The following MYOF variants were observed in gnomAD, a reference collection of about 807,000 sequenced individuals.
MYOF encodes the protein fer-1-like 3, myoferlin.
In MYOF, 244 loss-of-function variants were observed where a neutral mutation model predicts 284.2. The observed-to-expected ratio is 0.86, with a 90% CI of 0.77 to 0.95. MYOF has a LOEUF of 0.95. MYOF is among the 40% of genes least tolerant of loss of function. MYOF has a pLI of 0.00. For missense variants in MYOF, 2,496 were observed against 2,560.6 expected (o/e 0.97, Z 0.54); for synonymous variants, 904 against 919.7 (o/e 0.98, Z 0.31).
chr10:93,382,965 G>A (rs979156197), intron 19 of MYOF, among the ~76,000 whole-genome samples: 2 of 151,912 alleles, frequency 1.3e-5, no homozygotes, highest in South Asian at 2.1e-4. Context: ...GCTTGATCTC[G>A]GCTCATTGCA....
intron 28 of MYOF, among the ~76,000 whole-genome samples, chr10:93,361,053 C>A (rs758554486): frequency 6.6e-6 from 1 of 152,346 alleles, no homozygotes; most frequent in Non-Finnish European, 1.5e-5. Flanking sequence ...GGTCCCCAAC[C>A]TTTCTGTCAC....
At chr10:93,454,887 G>T (rs1459699758) in intron 2 of MYOF, among the ~76,000 whole-genome samples, 1 of 151,158 alleles carries the variant, frequency 6.6e-6, no homozygotes, top group Admixed American at 6.6e-5. Context: ...GCTAAAGCAG[G>T]GCTATCGCTT....
At chr10:93,440,100 A>G (rs928586882) in intron 3 of MYOF, among the ~76,000 whole-genome samples, 13 of 152,192 alleles carry the variant, frequency 8.5e-5, no homozygotes, top group Non-Finnish European at 8.8e-5. Flanking sequence ...TGAAGTCTGT[A>G]AACTTCATAA....
At chr10:93,371,897 A>C (rs1465390580) in intron 24 of MYOF, among the ~76,000 whole-genome samples, 1 of 152,224 alleles carries the variant, frequency 6.6e-6, no homozygotes, top group African/African-American at 2.4e-5. Context: ...AACACAGAGA[A>C]GGTGCCTTTG....
chr10:93,317,560 C>G (rs1842666329), intron 49 of MYOF, among the ~76,000 whole-genome samples: 2 of 152,156 alleles, frequency 1.3e-5, no homozygotes, highest in African/African-American at 2.4e-5. Context: ...TCACTCAAAC[C>G]TGGGAGGTGG....
Position 93,351,696 on chromosome 10 carries a change from A to C in MYOF, c.3632T>G (p.Val1211Gly), listed in dbSNP as rs751517942. ...GTCATTGTCAAAAAGTTCCATGATA[A>C]CTTTGGGTGGATTCTGTAGAACTGT... ...PQTVLQNPPKVIMELFDNDQV... is the reference protein window; with the variant it reads ...PQTVLQNPPKGIMELFDNDQV... The change falls in exon 33 of 54, where the codon GTT (valine) becomes GGT (glycine). Residue 1211 changes from valine (V) to glycine (G), a missense_variant. Transcript: ENST00000359263. 1.3e-5 allele frequency: 20 copies of C among 1,588,792 alleles called. No individual in the cohort carries two copies. In the Admixed American group the frequency reaches 3.7e-4, roughly 30 times the overall value.
intron 15 of MYOF, 73 bp from the exon 16 acceptor site, chr10:93,396,297 T>C (rs925045596): frequency 5.5e-6 from 6 of 1,082,670 alleles, no homozygotes; most frequent in Middle Eastern, 2.6e-4. Flanking sequence ...TATGTCTTCA[T>C]TTCAACAATT....
At chr10:93,466,185 C>G (rs1357126459) in intron 1 of MYOF, among the ~76,000 whole-genome samples, 1 of 152,216 alleles carries the variant, frequency 6.6e-6, no homozygotes, top group East Asian at 1.9e-4. Context: ...AGGTGGACCC[C>G]TCTCCAGGAG....
intron 1 of MYOF, among the ~76,000 whole-genome samples, chr10:93,478,889 T>C (rs1295530858): frequency 1.7e-5 from 2 of 120,216 alleles, no homozygotes; most frequent in African/African-American, 3.1e-5. Context: ...TGAGGTCAAC[T>C]GTAAACCAGT....
At chr10:93,402,771 C>T (rs953238005) in intron 10 of MYOF, 89 bp downstream of exon 10, 38 of 1,196,490 alleles carry the variant, frequency 3.2e-5, no homozygotes, top group Admixed American at 6.3e-5. Context: ...TCTTTGATCC[C>T]CCCCAAATTG....
Position 93,328,741 on chromosome 10 carries a change from C to T in MYOF, c.5131+22G>A, listed in dbSNP as rs908266696. On this transcript the variant is annotated intron_variant, in intron 45 of 53. Coordinates refer to ENST00000359263, the MANE Select transcript of MYOF (RefSeq NM_013451.4). Reference sequence around the variant, plus strand: ...GGTTACTATACTTTGTACCAGTTTACAATCCACAGCTAGGTGCTCACCAAA... The same window carrying T: ...GGTTACTATACTTTGTACCAGTTTATAATCCACAGCTAGGTGCTCACCAAA... 3.7e-6 allele frequency: 6 copies of T among 1,600,370 alleles called. No individual in the cohort carries two copies. The East Asian group carries it at 6.7e-5, about 18-fold the overall frequency.
At chr10:93,352,692 G>A (rs972545410) in intron 32 of MYOF, among the ~76,000 whole-genome samples, 2 of 152,184 alleles carry the variant, frequency 1.3e-5, no homozygotes, top group Non-Finnish European at 2.9e-5. Flanking sequence ...TAGCAGTGGA[G>A]CCATCATATG....
chr10:93,462,797 T>C (rs932963812), intron 1 of MYOF, among the ~76,000 whole-genome samples: 2 of 151,614 alleles, frequency 1.3e-5, no homozygotes. Context: ...CATATTTATA[T>C]TAGTCAATTA....
intron 3 of MYOF, among the ~76,000 whole-genome samples, chr10:93,448,643 G>A (rs1212343802): frequency 3.9e-5 from 6 of 152,112 alleles, no homozygotes; most frequent in African/African-American, 1.2e-4. Flanking sequence ...AGAAACACAG[G>A]CACAAGCACA....
intron 26 of MYOF, among the ~76,000 whole-genome samples, chr10:93,365,380 G>A (rs1845279320): frequency 6.6e-6 from 1 of 152,150 alleles, no homozygotes; most frequent in Admixed American, 6.5e-5. Context: ...CCAGACTCCA[G>A]GGGAACCATC....
At chr10:93,440,281 G>A (rs1327989415) in intron 3 of MYOF, among the ~76,000 whole-genome samples, 4 of 152,024 alleles carry the variant, frequency 2.6e-5, no homozygotes, top group East Asian at 1.9e-4. Flanking sequence ...GCGTGGTGGC[G>A]GGCGCCTGTA....
rs916555324 is a variant in MYOF at position 93,370,314 on chromosome 10, A to ATTTTTT, written c.2458-544_2458-539dup. Among the ~76,000 whole-genome samples the ATTTTTT allele has an allele frequency of 3.8e-4, 46 of 122,422 alleles. 3 individuals carry two copies. The highest frequency in any genetic ancestry group is 8.8e-4 in the African/African-American group (25 of 28,274). The allele number at this position is 122,422 out of a possible 152,430, so 80.3% of individuals were successfully genotyped here. ...GTTGATCAAGCAGTAATGATTACTA[A>ATTTTTT]TTTTTTTTTTTTTTTTTTTTTGAGA... On this transcript the variant is annotated intron_variant, in intron 24 of 53. Transcript: ENST00000359263.
At chr10:93,393,433 CGTT>C (rs985088325) in intron 16 of MYOF, among the ~76,000 whole-genome samples, 2 of 152,064 alleles carry the variant, frequency 1.3e-5, no homozygotes, top group African/African-American at 2.4e-5. Flanking sequence ...GTTGACAGCT[CGTT>C]GTTATTTTAA....
At chr10:93,366,599 A>G in intron 25 of MYOF, 44 bp from the exon 26 acceptor site, 1 of 1,511,520 alleles carries the variant, frequency 6.6e-7, no homozygotes, top group Non-Finnish European at 9.0e-7. Flanking sequence ...ATCAGAGAGC[A>G]AAAAATAAAG....
Sources: allele counts gnomAD v4.1 joint callset (sites outside exome capture counted in the v4.1 genomes callset), GRCh38; gene constraint gnomAD v4.1.1; transcripts MANE v1.5; gene names NCBI Gene and HGNC (gene_info 2026-07-23, HGNC 2026-07-21).